ACSBG1: variants seen among roughly 807,000 people sequenced by gnomAD.
The protein encoded by ACSBG1 is acyl-CoA synthetase bubblegum family member 1.
Under a neutral mutation model 80.2 loss-of-function variants are expected in ACSBG1, and 39 were observed. That is an observed-to-expected ratio of 0.49 (90% CI 0.38 to 0.64). ACSBG1 has a LOEUF of 0.64. Among genes scored for constraint, ACSBG1 ranks in the 30% least tolerant of loss-of-function variants. ACSBG1 has a pLI of 0.00. For missense variants in ACSBG1, 828 were observed against 966.4 expected (o/e 0.86, Z 1.90); for synonymous variants, 392 against 379.5 (o/e 1.03, Z -0.38).
At chr15:78,211,033 G>GA (rs1293287263) in intron 1 of ACSBG1, among the ~76,000 whole-genome samples, 1 of 152,204 alleles carries the variant, frequency 6.6e-6, no homozygotes, top group African/African-American at 2.4e-5. Flanking sequence ...TAGCAGAATA[G>GA]AAAACAAAAC....
At chr15:78,209,422 G>A (rs558491008) in intron 1 of ACSBG1, among the ~76,000 whole-genome samples, 2 of 152,220 alleles carry the variant, frequency 1.3e-5, no homozygotes, top group Admixed American at 1.3e-4. Flanking sequence ...ACTCCAGGGA[G>A]GTTGTGGAAA....
chr15:78,210,585 T>C (rs1479465663), intron 1 of ACSBG1, among the ~76,000 whole-genome samples: 1 of 152,166 alleles, frequency 6.6e-6, no homozygotes, highest in African/African-American at 2.4e-5. Flanking sequence ...TTCGTAATGG[T>C]CGTCTTTCAG....
chr15:78,199,652 T>G (rs1362403895), intron 2 of ACSBG1, among the ~76,000 whole-genome samples: 4 of 149,992 alleles, frequency 2.7e-5, no homozygotes, highest in Admixed American at 2.0e-4. Context: ...ATGCCACCAT[T>G]CCCAGCTTTT....
intron 2 of ACSBG1, among the ~76,000 whole-genome samples, chr15:78,195,766 G>C (rs888044914): frequency 6.6e-6 from 1 of 152,202 alleles, no homozygotes; most frequent in Non-Finnish European, 1.5e-5. Context: ...TTGGGGCAAG[G>C]GTGGTGGTTC....
intron 1 of ACSBG1, among the ~76,000 whole-genome samples, chr15:78,220,021 TA>T (rs1471589156): frequency 1.7e-4 from 26 of 152,102 alleles, no homozygotes; most frequent in African/African-American, 6.3e-4. Context: ...TCAAGAGACC[TA>T]AAATAGTCAA....
chr15:78,228,120 T>C (rs1214130807), intron 1 of ACSBG1, among the ~76,000 whole-genome samples: 1 of 152,194 alleles, frequency 6.6e-6, no homozygotes, highest in African/African-American at 2.4e-5. Context: ...GCCCTAGATG[T>C]CCTTCACATG....
At chr15:78,185,493 A>G (rs1490888771) in intron 5 of ACSBG1, among the ~76,000 whole-genome samples, 1 of 152,218 alleles carries the variant, frequency 6.6e-6, no homozygotes, top group Non-Finnish European at 1.5e-5. Context: ...AAAGTTCAGA[A>G]AGAAAAAAAA....
At chr15:78,225,331 G>T (rs1034154155) in intron 1 of ACSBG1, among the ~76,000 whole-genome samples, 3 of 151,566 alleles carry the variant, frequency 2.0e-5, no homozygotes, top group African/African-American at 7.3e-5. Context: ...AACCTGGGAG[G>T]CAGAGATTGC....
At chr15:78,228,214 T>A (rs926181135) in intron 1 of ACSBG1, among the ~76,000 whole-genome samples, 1 of 152,168 alleles carries the variant, frequency 6.6e-6, no homozygotes, top group African/African-American at 2.4e-5. Context: ...GGAGCCAGAA[T>A]TGTCTGGGTA....
At chr15:78,189,935 A>G (rs2075042537) in intron 5 of ACSBG1, among the ~76,000 whole-genome samples, 1 of 152,276 alleles carries the variant, frequency 6.6e-6, no homozygotes, top group East Asian at 1.9e-4. Flanking sequence ...AAGAACAAAC[A>G]GAATAGTTGT....
intron 2 of ACSBG1, among the ~76,000 whole-genome samples, chr15:78,200,751 G>A (rs2075159791): frequency 5.9e-5 from 9 of 152,178 alleles, no homozygotes; most frequent in Admixed American, 5.2e-4. Context: ...ACCTTGGGCA[G>A]CCATGACCTC....
intron 2 of ACSBG1, 190 bp downstream of exon 2, chr15:78,207,812 G>A (rs990693603): frequency 5.0e-6 from 3 of 598,774 alleles, no homozygotes; most frequent in Non-Finnish European, 9.0e-6. Context: ...TTTCCATCAC[G>A]CCTGGCCCTG....
intron 5 of ACSBG1, among the ~76,000 whole-genome samples, chr15:78,190,730 T>C (rs2075050100): frequency 6.6e-6 from 1 of 151,996 alleles, no homozygotes; most frequent in African/African-American, 2.4e-5. Flanking sequence ...GGTTCCACAT[T>C]TCATGGGAAC....
chr15:78,169,058 C>A lies in ACSBG1; in HGVS notation c.*2386G>T. ...TCACTCTAAATGGACACCACATGAA[C>A]CTCTGTTTAGAATACCTACGTATGT... On this transcript the variant is annotated 3_prime_UTR_variant, in exon 14 of 14. Coordinates refer to ENST00000258873, the MANE Select transcript of ACSBG1 (RefSeq NM_015162.5). 8.8e-7 allele frequency: 1 copy of A among 1,141,830 alleles called. No homozygotes were observed. The highest frequency in any genetic ancestry group is 1.3e-6 in the Non-Finnish European group (1 of 763,130). The allele number at this position is 1,141,830 out of a possible 1,614,324, so 70.7% of individuals were successfully genotyped here. A position where few individuals can be genotyped will look rare whatever the true frequency, so the allele number is the denominator to read the frequency against.
chr15:78,197,719 TAAAAAAAAAAAAA>T (rs746712543), intron 2 of ACSBG1, among the ~76,000 whole-genome samples: 10 of 103,348 alleles, frequency 9.7e-5, no homozygotes, highest in Middle Eastern at 6.1e-3. Flanking sequence ...ACTCTGTCTT[TAAAAAAAAAAAAA>T]AAAAAAAAAA....
At chr15:78,194,208 C>T (rs1299792446) in intron 3 of ACSBG1, among the ~76,000 whole-genome samples, 188 bp from the exon 4 acceptor site, 1 of 152,230 alleles carries the variant, frequency 6.6e-6, no homozygotes, top group Non-Finnish European at 1.5e-5. Context: ...CCTCCCAGGG[C>T]CTTCCCAGCG....
In ACSBG1 at chr15:78,172,116, G is replaced by A. The variant is rs963727763; in HGVS notation, c.2090-587C>T. Among the ~76,000 whole-genome samples the A allele has an allele frequency of 7.9e-5, 12 of 152,346 alleles. No homozygotes were observed. The highest frequency in any genetic ancestry group is 4.1e-4 in the South Asian group (2 of 4,832). ...TGCCGACAGCCACGTAAGTGAGCGC[G>A]GAGGTGAGCCTCAGCTGCAAGTGAC... is the stretch of plus-strand genomic sequence containing the variant. On this transcript the variant is annotated intron_variant, in intron 13 of 13. Transcript: ENST00000258873. This position sits in a 1 kb window ranked among gnomAD's most constrained non-coding sequence, Gnocchi z 4.1.
At chr15:78,174,997 G>A (rs928873912) in intron 11 of ACSBG1, among the ~76,000 whole-genome samples, 12 of 152,230 alleles carry the variant, frequency 7.9e-5, no homozygotes, top group Non-Finnish European at 1.8e-4. Context: ...GGAAACTGAG[G>A]CACAGAGACG....
Position 78,178,698 on chromosome 15 carries a change from T to C in ACSBG1, c.1618A>G (p.Ile540Val). The C allele has an allele frequency of 6.2e-7, 1 of 1,614,116 alleles. No homozygotes were observed. The highest frequency in any genetic ancestry group is 8.5e-7 in the Non-Finnish European group (1 of 1,179,998). ...GTGTGCAGCCAGCCTTCCTCGTCGA[T>C]GGCCTCACAAGTCTTGTCCTCCATG... The part of the protein sequence containing the change: ...LNMEDKTCEA[I>V]DEEGWLHTGD... The change falls in exon 11 of 14, where the codon ATC becomes GTC. Residue 540 changes from isoleucine (I) to valine (V), a missense_variant. Ile to Val is a conservative substitution (Grantham distance 29, BLOSUM62 3). Coordinates refer to ENST00000258873, the MANE Select transcript of ACSBG1 (RefSeq NM_015162.5). This position sits in a 1 kb window ranked among gnomAD's most constrained non-coding sequence, Gnocchi z 4.3.
Sources: allele counts gnomAD v4.1 joint callset (sites outside exome capture counted in the v4.1 genomes callset), GRCh38; gene constraint gnomAD v4.1.1; non-coding constraint Gnocchi (gnomAD v3.1); transcripts MANE v1.5; gene names NCBI Gene and HGNC (gene_info 2026-07-23, HGNC 2026-07-21).